Variants in SEPTIN7 observed in about 807,000 individuals in gnomAD.
The protein encoded by SEPTIN7 is septin-7.
SEPTIN7 carries 10 observed loss-of-function variants against 63.3 expected under a neutral mutation model. The observed-to-expected ratio is 0.16, with a 90% CI of 0.10 to 0.27. The LOEUF (loss-of-function observed/expected upper bound fraction) is 0.27, where lower values mean the gene tolerates loss of function less well. SEPTIN7 is among the 10% of genes least tolerant of loss of function. The probability of loss-of-function intolerance (pLI) is 1.00; values close to 1 mark genes in which losing one functional copy is unlikely to be tolerated. For missense variants in SEPTIN7, 310 were observed against 521.0 expected (o/e 0.59, Z 3.94); for synonymous variants, 131 against 165.3 (o/e 0.79, Z 1.59).
chr7:35,829,213 G>T (rs1163175137), intron 1 of SEPTIN7, among the ~76,000 whole-genome samples: 1 of 138,212 alleles, frequency 7.2e-6, no homozygotes, highest in South Asian at 2.3e-4. Context: ...TCGGCTCACT[G>T]CAGCTTCCAC....
At chr7:35,812,876 T>C (rs996968037) in intron 1 of SEPTIN7, among the ~76,000 whole-genome samples, 2 of 152,230 alleles carry the variant, frequency 1.3e-5, no homozygotes, top group African/African-American at 2.4e-5. Context: ...GTTAAAAATA[T>C]TATTTCTTGG....
intron 1 of SEPTIN7, among the ~76,000 whole-genome samples, chr7:35,824,673 G>C (rs1783410688): frequency 1.3e-5 from 2 of 152,136 alleles, no homozygotes; most frequent in African/African-American, 4.8e-5. Flanking sequence ...CTACAAGTTA[G>C]TTACAGAGAT....
At chr7:35,889,615 C>G (rs1374627465) in intron 10 of SEPTIN7, among the ~76,000 whole-genome samples, 2 of 152,110 alleles carry the variant, frequency 1.3e-5, no homozygotes, top group Non-Finnish European at 2.9e-5. Context: ...GTGATCTTGG[C>G]TCACTGCAAC....
At chr7:35,876,694 C>T (rs192029622) in intron 6 of SEPTIN7, among the ~76,000 whole-genome samples, 14 of 152,158 alleles carry the variant, frequency 9.2e-5, no homozygotes, top group Admixed American at 4.6e-4. Context: ...TGAGGCTGGG[C>T]GCAGTGGCTC....
At chr7:35,909,405 A>T (rs1340404027), downstream of SEPTIN7, among the ~76,000 whole-genome samples, 2 of 152,152 alleles carry the variant, frequency 1.3e-5, no homozygotes, top group Non-Finnish European at 2.9e-5. Flanking sequence ...CGCTGATAAA[A>T]ATCCACTTTC....
intron 3 of SEPTIN7, among the ~76,000 whole-genome samples, chr7:35,838,383 C>G (rs1784240878): frequency 1.0e-5 from 1 of 100,234 alleles, no homozygotes; most frequent in South Asian, 4.2e-4. Context: ...CTCCCTCCCT[C>G]CCTCCCTACA....
intron 1 of SEPTIN7, among the ~76,000 whole-genome samples, chr7:35,817,858 TATATC>T (rs1230576476): frequency 1.3e-5 from 2 of 152,126 alleles, no homozygotes; most frequent in East Asian, 3.9e-4. Flanking sequence ...ATATTGATCT[TATATC>T]ATGCAACTTT....
intron 3 of SEPTIN7, among the ~76,000 whole-genome samples, chr7:35,845,088 G>T (rs1473802728): frequency 6.6e-6 from 1 of 151,966 alleles, no homozygotes; most frequent in Admixed American, 6.6e-5. Context: ...AAATAAAAGA[G>T]CTGTGGTAGG....
At chr7:35,839,925 T>C (rs1784324334) in intron 3 of SEPTIN7, among the ~76,000 whole-genome samples, 1 of 152,110 alleles carries the variant, frequency 6.6e-6, no homozygotes, top group Admixed American at 6.5e-5. Context: ...AGCATGGCAA[T>C]GAAGATCTTT....
At chr7:35,863,041 G>T (rs1785597789) in intron 3 of SEPTIN7, among the ~76,000 whole-genome samples, 1 of 152,036 alleles carries the variant, frequency 6.6e-6, no homozygotes, top group African/African-American at 2.4e-5. Context: ...CTTATATTTA[G>T]GCTGATGGGT....
Position 35,801,376 on chromosome 7 carries a change from G to A in SEPTIN7, c.61+106G>A, listed in dbSNP as rs1464715189. ...AGGGAACGCCCTGAGGCGAGGCGGA[G>A]GCAGCGGCGAGGGGAGCCGGGATGG... is the stretch of plus-strand genomic sequence containing the variant. On this transcript the variant is annotated intron_variant, in intron 1 of 13. Coordinates refer to ENST00000350320, the MANE Select transcript of SEPTIN7 (RefSeq NM_001788.6). 2.0e-5 allele frequency: 28 copies of A among 1,390,506 alleles called. No individual in the cohort carries two copies. In the Admixed American group the frequency reaches 5.4e-4, roughly 27 times the overall value. 86.1% of individuals were successfully genotyped at this position (1,390,506 alleles called of 1,614,324 possible). A position where few individuals can be genotyped will look rare whatever the true frequency, so the allele number is the denominator to read the frequency against.
chr7:35,877,657 A>G (rs1352475569), intron 6 of SEPTIN7, among the ~76,000 whole-genome samples: 1 of 152,186 alleles, frequency 6.6e-6, no homozygotes, highest in Non-Finnish European at 1.5e-5. Flanking sequence ...ATTTTAGTCC[A>G]CAATATATTC....
chr7:35,863,806 T>TA, intron 4 of SEPTIN7, 148 bp downstream of exon 4: 1 of 485,796 alleles, frequency 2.1e-6, no homozygotes. Flanking sequence ...TTCATAAAAT[T>TA]TAAAAAAAAA....
chr7:35,863,959 A>G (rs1167067920), intron 4 of SEPTIN7, among the ~76,000 whole-genome samples: 1 of 148,998 alleles, frequency 6.7e-6, no homozygotes, highest in Non-Finnish European at 1.5e-5. Context: ...CACATGTTTA[A>G]ATAAATTAAA....
At chr7:35,812,075 C>A in intron 1 of SEPTIN7, 1 of 241,042 alleles carries the variant, frequency 4.1e-6, no homozygotes. Flanking sequence ...TGCCGTGAGC[C>A]AAGATCAAGC....
chr7:35,814,512 T>C (rs940941724), intron 1 of SEPTIN7, among the ~76,000 whole-genome samples: 5 of 152,130 alleles, frequency 3.3e-5, no homozygotes, highest in African/African-American at 1.2e-4. Context: ...TAGGTACTAG[T>C]TTTTTGTTGG....
In SEPTIN7 at chr7:35,905,199, G is replaced by GAA. The variant is rs911654701; in HGVS notation, c.*907_*908dup. ...CTAGAAATGGGAATCATGGCCTCTT[G>GAA]AAGAGAAAAAAGTCACCATTCTGCA... On this transcript the variant is annotated 3_prime_UTR_variant, in exon 14 of 14. Coordinates refer to ENST00000350320, the MANE Select transcript of SEPTIN7 (RefSeq NM_001788.6). 3 of 152,560 alleles carry GAA rather than the reference G, an allele frequency of 2.0e-5. No homozygotes were observed. Among genetic ancestry groups the GAA allele is most frequent in the African/African-American group, 7.2e-5 (3 of 41,438 alleles). 9.5% of individuals were successfully genotyped at this position (152,560 alleles called of 1,614,324 possible).
chr7:35,877,212 CTTT>C (rs776278176), intron 6 of SEPTIN7, among the ~76,000 whole-genome samples: 12 of 152,284 alleles, frequency 7.9e-5, no homozygotes, highest in Non-Finnish European at 5.9e-5. Context: ...TCTACACACA[CTTT>C]TTTCGTTGTG....
chr7:35,882,598 C>T lies in SEPTIN7; in HGVS notation c.723+22C>T, dbSNP rs55968386. ...AAAGGTAGGTTCATCCCTGTACACA[C>T]GCTAAAGTAATCTGAGGCCTTAAAA... On this transcript the variant is annotated intron_variant, in intron 8 of 13. Transcript: ENST00000350320. The T allele has an allele frequency of 1.4e-3, 1,923 of 1,345,328 alleles. 2 individuals carry two copies. Among genetic ancestry groups the T allele is most frequent in the African/African-American group, 5.7e-3 (372 of 65,608 alleles). The allele number at this position is 1,345,328 out of a possible 1,614,324, so 83.3% of individuals were successfully genotyped here.
Sources: allele counts gnomAD v4.1 joint callset (sites outside exome capture counted in the v4.1 genomes callset), GRCh38; gene constraint gnomAD v4.1.1; transcripts MANE v1.5; gene names NCBI Gene and HGNC (gene_info 2026-07-23, HGNC 2026-07-21).